The following SRD5A3 variants were observed in gnomAD, a reference collection of about 807,000 sequenced individuals.
SRD5A3 encodes steroid 5 alpha-reductase 3, also known as polyprenal reductase.
A neutral mutation model predicts 34.3 loss-of-function variants in SRD5A3; 24 were observed. That is an observed-to-expected ratio of 0.70 (90% confidence interval 0.51 to 0.99). SRD5A3 has a LOEUF of 0.99. SRD5A3 is among the 50% of genes least tolerant of loss of function. The probability of loss-of-function intolerance (pLI) is 0.00; values close to 1 mark genes in which losing one functional copy is unlikely to be tolerated. For synonymous variants in SRD5A3, 161 were observed against 167.3 expected (o/e 0.96, Z 0.29); for missense variants, 350 against 388.2 (o/e 0.90, Z 0.83).
At chr4:55,360,880 G>T (rs1347385900) in intron 2 of SRD5A3, among the ~76,000 whole-genome samples, 3 of 151,924 alleles carry the variant, frequency 2.0e-5, no homozygotes, top group Admixed American at 6.6e-5. Flanking sequence ...TAGAGAGATG[G>T]TGTTTCTCCA....
At chr4:55,368,131 C>T (rs1037640748) in intron 4 of SRD5A3, among the ~76,000 whole-genome samples, 13 of 152,116 alleles carry the variant, frequency 8.5e-5, no homozygotes, top group African/African-American at 2.7e-4. Flanking sequence ...AATTCCAGCA[C>T]TTTGGGAAGC....
chr4:55,370,430 TTCAC>T lies in SRD5A3; in HGVS notation c.*340_*343del, dbSNP rs1293983669. Reference sequence around the variant, plus strand: ...GAAAAACCGAAAATATACAAACAGCTTCACACACACACACACACACACACACACA... The same window carrying T: ...GAAAAACCGAAAATATACAAACAGCTACACACACACACACACACACACACA... On this transcript the variant is annotated 3_prime_UTR_variant, in exon 5 of 5. Transcript: ENST00000264228. 1.2e-5 allele frequency: 3 copies of T among 250,498 alleles called. No homozygotes were observed. Among genetic ancestry groups the T allele is most frequent in the Admixed American group, 6.8e-5 (1 of 14,814 alleles). 15.5% of individuals were successfully genotyped at this position (250,498 alleles called of 1,614,324 possible).
rs1394135746 is a variant in SRD5A3, at chr4:55,367,660, G to C, written c.635G>C (p.Trp212Ser). The C allele has an allele frequency of 3.1e-6, 5 of 1,614,054 alleles. No homozygotes were observed. Among genetic ancestry groups the C allele is most frequent in the Non-Finnish European group, 4.2e-6 (5 of 1,180,012 alleles). The stretch of plus-strand genomic sequence containing the variant: ...ATTCTTGGGATGATGATGTTCATCT[G>C]GTCATCTGCCCATCAGTATAAGTGC... ...FHILGMMMFI[W>S]SSAHQYKCHV... Residue 212 changes from tryptophan (W) to serine (S), a missense_variant, in exon 4 of 5, where the codon TGG (tryptophan) becomes TCG (serine). Trp to Ser is a radical substitution (Grantham distance 177). This residue lies in a region of SRD5A3 where 186 missense variants were observed against 221.4 expected (regional missense o/e 0.84). Coordinates refer to ENST00000264228, the MANE Select transcript of SRD5A3 (RefSeq NM_024592.5).
intron 2 of SRD5A3, 77 bp downstream of exon 2, chr4:55,359,565 A>AT: frequency 6.3e-7 from 1 of 1,595,174 alleles, no homozygotes; most frequent in Non-Finnish European, 8.6e-7. Context: ...AGTTTTTGGC[A>AT]TTTTGTCTCC....
chr4:55,349,453 T>C (rs544575761), intron 1 of SRD5A3, among the ~76,000 whole-genome samples: 1 of 152,308 alleles, frequency 6.6e-6, no homozygotes, highest in African/African-American at 2.4e-5. Context: ...TTTGGGATTA[T>C]TTTTTTCTTT....
intron 4 of SRD5A3, 68 bp from the exon 5 acceptor site, chr4:55,369,764 C>T (rs819268): frequency 3.8e-6 from 6 of 1,562,774 alleles, no homozygotes; most frequent in East Asian, 4.5e-5. Flanking sequence ...AAATGATTTG[C>T]GAGTGAAGTG....
intron 2 of SRD5A3, among the ~76,000 whole-genome samples, chr4:55,361,314 T>G (rs868157740): frequency 6.7e-6 from 1 of 148,792 alleles, no homozygotes; most frequent in Admixed American, 6.7e-5. Flanking sequence ...AAATCCCGTT[T>G]TTACTAAAAA....
chr4:55,349,659 G>A (rs1354222479), intron 1 of SRD5A3, among the ~76,000 whole-genome samples: 1 of 151,994 alleles, frequency 6.6e-6, no homozygotes, highest in African/African-American at 2.4e-5. Context: ...GATGCTCTGG[G>A]TTGCATAGTG....
At chr4:55,363,858 G>A in intron 2 of SRD5A3, 1 of 597,026 alleles carries the variant, frequency 1.7e-6, no homozygotes, top group Non-Finnish European at 3.0e-6. Context: ...AGAATTGAGT[G>A]ATGGGTGTTT....
chr4:55,349,135 A>C (rs558307402), intron 1 of SRD5A3, among the ~76,000 whole-genome samples: 1 of 152,240 alleles, frequency 6.6e-6, no homozygotes, highest in African/African-American at 2.4e-5. Flanking sequence ...CCTGGGTTCA[A>C]GCAATTCTCC....
chr4:55,353,851 A>G (rs764034551), intron 1 of SRD5A3, among the ~76,000 whole-genome samples: 25 of 152,122 alleles, frequency 1.6e-4, no homozygotes, highest in Admixed American at 2.6e-4. Flanking sequence ...CTCTGGACAC[A>G]CCATTTTTAA....
chr4:55,358,826 C>T (rs1004147681), intron 1 of SRD5A3, among the ~76,000 whole-genome samples: 2 of 152,040 alleles, frequency 1.3e-5, no homozygotes, highest in Non-Finnish European at 2.9e-5. Flanking sequence ...TTAGGTCAAC[C>T]CAATTTGGAA....
intron 2 of SRD5A3, among the ~76,000 whole-genome samples, chr4:55,363,555 C>T (rs374151040): frequency 1.8e-4 from 28 of 152,022 alleles, no homozygotes; most frequent in East Asian, 1.7e-3. Flanking sequence ...GTGGGCAGGT[C>T]GTGAAAGACA....
chr4:55,365,867 G>A (rs1719875373), intron 3 of SRD5A3, among the ~76,000 whole-genome samples: 1 of 152,160 alleles, frequency 6.6e-6, no homozygotes, highest in South Asian at 2.1e-4. Flanking sequence ...AAATAACATG[G>A]GCTCCAGAGT....
At chr4:55,353,850 C>G (rs1379846234) in intron 1 of SRD5A3, among the ~76,000 whole-genome samples, 2 of 152,172 alleles carry the variant, frequency 1.3e-5, no homozygotes, top group Non-Finnish European at 2.9e-5. Context: ...ACTCTGGACA[C>G]ACCATTTTTA....
At chr4:55,367,791 A>C (rs2109485189) in intron 4 of SRD5A3, 69 bp downstream of exon 4, 1 of 1,595,908 alleles carries the variant, frequency 6.3e-7, no homozygotes, top group Non-Finnish European at 8.6e-7. Context: ...ATGGTCCTGC[A>C]TGCTTTTCCT....
chr4:55,346,613 C>T, intron 1 of SRD5A3, 56 bp downstream of exon 1: 1 of 1,458,808 alleles, frequency 6.9e-7, no homozygotes, highest in East Asian at 2.9e-5. Context: ...GTTCGGGGCG[C>T]CCCGGCTCGC....
chr4:55,356,007 T>G (rs1390207431), intron 1 of SRD5A3, among the ~76,000 whole-genome samples: 1 of 138,456 alleles, frequency 7.2e-6, no homozygotes, highest in African/African-American at 2.7e-5. Flanking sequence ...TCCATTTTTT[T>G]TTTTTTTTTT....
At chr4:55,354,843 T>C (rs1412577502) in intron 1 of SRD5A3, among the ~76,000 whole-genome samples, 1 of 152,246 alleles carries the variant, frequency 6.6e-6, no homozygotes, top group Non-Finnish European at 1.5e-5. Flanking sequence ...CGCGTACGCA[T>C]GTGTAAGCTC....
Sources: allele counts gnomAD v4.1 joint callset (sites outside exome capture counted in the v4.1 genomes callset), GRCh38; gene constraint gnomAD v4.1.1; regional missense constraint gnomAD v4.1.1; transcripts MANE v1.5; gene names NCBI Gene and HGNC (gene_info 2026-07-23, HGNC 2026-07-21).